ENOX2: variants seen among roughly 807,000 people sequenced by gnomAD.
ENOX2 encodes APK1 antigen.
Under a neutral mutation model 45.0 loss-of-function variants are expected in ENOX2, and 36 were observed. The observed-to-expected ratio is 0.80, with a 90% CI of 0.61 to 1.06. The LOEUF (loss-of-function observed/expected upper bound fraction) is 1.06, where lower values mean the gene tolerates loss of function less well. ENOX2 is among the 50% of genes least tolerant of loss of function. The pLI is 0.00. For missense variants in ENOX2, 423 were observed against 462.5 expected (o/e 0.91, Z 0.78); for synonymous variants, 174 against 152.3 (o/e 1.14, Z -1.05).
At chrX:130,707,970 G>T (rs2038083439) in intron 3 of ENOX2, among the ~76,000 whole-genome samples, 1 of 111,982 alleles carries the variant, frequency 8.9e-6, no homozygotes, top group African/African-American at 3.2e-5. Context: ...TTATCTATGT[G>T]TCAGGCAGTA....
At chrX:130,846,599 A>C (rs2078110848) in intron 2 of ENOX2, among the ~76,000 whole-genome samples, 1 of 112,127 alleles carries the variant, frequency 8.9e-6, no homozygotes, top group East Asian at 2.8e-4. Flanking sequence ...AGCCTCCCAA[A>C]GTGCTGGGAT....
At chrX:130,625,553 G>A (rs776731452) in intron 14 of ENOX2, 108 bp from the exon 15 acceptor site, 109 of 861,688 alleles carry the variant, frequency 1.3e-4, no homozygotes, top group Admixed American at 9.0e-4. Context: ...GTGTGCTGCA[G>A]GGGCGTTTAA....
chrX:130,664,502 A>T (rs756914418), intron 9 of ENOX2, among the ~76,000 whole-genome samples: 6 of 112,390 alleles, frequency 5.3e-5, no homozygotes, highest in Non-Finnish European at 1.1e-4. Flanking sequence ...ATACCTACTC[A>T]CTATCACTTA....
chrX:130,841,820 T>C (rs753594141), intron 2 of ENOX2, among the ~76,000 whole-genome samples: 28 of 111,982 alleles, frequency 2.5e-4, no homozygotes, highest in African/African-American at 4.5e-4. Flanking sequence ...AAGAAGATAA[T>C]AGTGCATCAC....
intron 2 of ENOX2, among the ~76,000 whole-genome samples, chrX:130,802,115 CAG>C (rs1603353515): frequency 2.7e-5 from 3 of 112,085 alleles, no homozygotes; most frequent in Non-Finnish European, 5.6e-5. Flanking sequence ...GAAGAAATAG[CAG>C]AGTCTGCTTA....
intron 3 of ENOX2, among the ~76,000 whole-genome samples, chrX:130,722,181 T>G (rs892355740): frequency 1.8e-5 from 2 of 111,758 alleles, no homozygotes; most frequent in Non-Finnish European, 3.8e-5. Context: ...GGAAGACAGA[T>G]GAAGGTTAAA....
chrX:130,875,339 A>G (rs2078677246), intron 2 of ENOX2, among the ~76,000 whole-genome samples: 1 of 110,526 alleles, frequency 9.0e-6, no homozygotes, highest in African/African-American at 3.3e-5. Flanking sequence ...CAGAAAAACC[A>G]AAACAATCTT....
At chrX:130,837,533 T>C (rs919012229) in intron 2 of ENOX2, among the ~76,000 whole-genome samples, 2 of 111,925 alleles carry the variant, frequency 1.8e-5, no homozygotes, top group Non-Finnish European at 3.8e-5. Flanking sequence ...CATCTAGACA[T>C]ACTTAAACAT....
intron 12 of ENOX2, among the ~76,000 whole-genome samples, chrX:130,632,449 GCTCTTTCTT>G (rs1569476952): frequency 9.5e-6 from 1 of 105,352 alleles, no homozygotes; most frequent in Non-Finnish European, 1.9e-5. Context: ...ACCTTTCATG[GCTCTTTCTT>G]TCTCTCTTTG....
At chrX:130,819,264 C>T (rs1051607941) in intron 2 of ENOX2, among the ~76,000 whole-genome samples, 1 of 111,886 alleles carries the variant, frequency 8.9e-6, no homozygotes, top group African/African-American at 3.3e-5. Flanking sequence ...GGAACGCTTT[C>T]ACACTGCTGG....
intron 2 of ENOX2, among the ~76,000 whole-genome samples, chrX:130,807,917 T>C (rs775643635): frequency 1.2e-4 from 14 of 112,306 alleles, no homozygotes; most frequent in Non-Finnish European, 2.3e-4. Flanking sequence ...TATTATCTAC[T>C]TCACAGAGCT....
intron 3 of ENOX2, among the ~76,000 whole-genome samples, chrX:130,774,205 AG>A (rs1335045334): frequency 8.9e-6 from 1 of 112,209 alleles, no homozygotes; most frequent in Non-Finnish European, 1.9e-5. Flanking sequence ...ACAGTGGCCT[AG>A]GTACATGTAT....
intron 2 of ENOX2, among the ~76,000 whole-genome samples, chrX:130,810,892 G>T (rs2077379544): frequency 8.9e-6 from 1 of 112,165 alleles, no homozygotes; most frequent in Non-Finnish European, 1.9e-5. Flanking sequence ...GAACCAGGCT[G>T]GCCCCTGCAC....
At chrX:130,789,710 T>C (rs1341725140) in intron 2 of ENOX2, among the ~76,000 whole-genome samples, 1 of 112,656 alleles carries the variant, frequency 8.9e-6, no homozygotes, top group Non-Finnish European at 1.9e-5. Context: ...AAATCAGATA[T>C]GAGATTCCAT....
chrX:130,676,964 A>C (rs756885317), intron 6 of ENOX2, among the ~76,000 whole-genome samples: 3 of 111,767 alleles, frequency 2.7e-5, no homozygotes, highest in African/African-American at 9.7e-5. Flanking sequence ...AGCCTTTTGG[A>C]GTGTGCTAAT....
chrX:130,697,341 T>C (rs1319713699), intron 4 of ENOX2, among the ~76,000 whole-genome samples: 1 of 112,510 alleles, frequency 8.9e-6, no homozygotes, highest in Non-Finnish European at 1.9e-5. Flanking sequence ...GTTTCTATTA[T>C]GACACTTGCA....
chrX:130,894,831 G>T (rs1174805381), intron 2 of ENOX2, among the ~76,000 whole-genome samples: 1 of 111,495 alleles, frequency 9.0e-6, no homozygotes, highest in Non-Finnish European at 1.9e-5. Context: ...ACCTTTTTCT[G>T]AACTATGCAG....
intron 3 of ENOX2, among the ~76,000 whole-genome samples, chrX:130,731,545 T>C (rs1192333291): frequency 1.8e-5 from 2 of 111,899 alleles, no homozygotes; most frequent in African/African-American, 6.5e-5. Context: ...TTGATCTAAG[T>C]CATACTCAAA....
chrX:130,645,859 A>G (rs2036219821), intron 10 of ENOX2: 1 of 681,301 alleles, frequency 1.5e-6, no homozygotes, highest in Admixed American at 2.2e-5. Flanking sequence ...AGAGAGAGGA[A>G]TCCCCTGCAG....
Sources: allele counts gnomAD v4.1 joint callset (sites outside exome capture counted in the v4.1 genomes callset), GRCh38; gene constraint gnomAD v4.1.1; transcripts MANE v1.5; gene names NCBI Gene and HGNC (gene_info 2026-07-23, HGNC 2026-07-21).